YTHDC2: variants seen among roughly 807,000 people sequenced by gnomAD.
YTHDC2 encodes YTH N6-methyladenosine RNA binding protein C2.
A neutral mutation model predicts 174.9 loss-of-function variants in YTHDC2; 45 were observed. That is an observed-to-expected ratio of 0.26 (90% CI 0.20 to 0.33). The LOEUF (loss-of-function observed/expected upper bound fraction) is 0.33. YTHDC2 is among the 10% of genes least tolerant of loss of function. The probability of loss-of-function intolerance (pLI) is 1.00; values close to 1 mark genes in which losing one functional copy is unlikely to be tolerated. For missense variants in YTHDC2, 1,650 were observed against 1,723.7 expected (o/e 0.96, Z 0.76); for synonymous variants, 657 against 574.5 (o/e 1.14, Z -2.05).
intron 17 of YTHDC2, among the ~76,000 whole-genome samples, chr5:113,560,479 A>T (rs796766245): frequency 1.1e-4 from 17 of 152,296 alleles, no homozygotes; most frequent in African/African-American, 4.1e-4. Flanking sequence ...TATAGTGATG[A>T]TTGCCTATCT....
intron 26 of YTHDC2, among the ~76,000 whole-genome samples, chr5:113,590,052 G>A (rs1369040504): frequency 1.3e-5 from 2 of 151,480 alleles, no homozygotes; most frequent in Non-Finnish European, 2.9e-5. Context: ...TTGTAAATGT[G>A]TCTGATTGCT....
Position 113,553,175 on chromosome 5 carries a change from T to TAA in YTHDC2, c.1689-6_1689-5insAA. The TAA allele has an allele frequency of 2.1e-6, 3 of 1,409,314 alleles. No individual in the cohort carries two copies. The highest frequency in any genetic ancestry group is 2.8e-6 in the Non-Finnish European group (3 of 1,081,858). 87.3% of individuals were successfully genotyped at this position (1,409,314 alleles called of 1,614,324 possible). A position where few individuals can be genotyped will look rare whatever the true frequency, so the allele number is the denominator to read the frequency against. ...ACTTTGTCTTTTTTTTTTTTTTTTT[T>TAA]TTCAGTGCTACACTGGAATTTGGAA... On this transcript the variant is annotated splice_polypyrimidine_tract_variant and splice_region_variant and intron_variant, in intron 12 of 29. Transcript: ENST00000161863.
Position 113,581,470 on chromosome 5 carries a change from C to T in YTHDC2, c.3408C>T (p.Arg1136=). ...AGAAGTGGCATAGCTTATTTTTACGCCGAATGAGAGCTCCATCTAAACCTT... is the reference window on the plus strand; with the variant it reads ...AGAAGTGGCATAGCTTATTTTTACGTCGAATGAGAGCTCCATCTAAACCTT... ...LRQKWHSLFL[R]RMRAPSKPWS... The change falls in exon 25 of 30, where the codon CGC becomes CGT. Residue 1136 remains arginine (R), a synonymous_variant. Transcript: ENST00000161863. The T allele has an allele frequency of 3.1e-6, 5 of 1,613,184 alleles. No homozygotes were observed. Among genetic ancestry groups the T allele is most frequent in the African/African-American group, 1.3e-5 (1 of 75,006 alleles).
chr5:113,550,901 G>C (rs1247494838), intron 12 of YTHDC2, among the ~76,000 whole-genome samples: 1 of 151,870 alleles, frequency 6.6e-6, no homozygotes, highest in African/African-American at 2.4e-5. Context: ...TTTCAGATTA[G>C]ATATTTAAAG....
intron 24 of YTHDC2, chr5:113,580,040 C>A: frequency 1.8e-6 from 1 of 560,700 alleles, no homozygotes; most frequent in Non-Finnish European, 2.3e-6. Context: ...GCTGCTGGAC[C>A]CTGCCTCCTA....
intron 26 of YTHDC2, among the ~76,000 whole-genome samples, chr5:113,587,861 A>G (rs1241506660): frequency 1.3e-5 from 2 of 151,854 alleles, no homozygotes; most frequent in Non-Finnish European, 1.5e-5. Context: ...AAAATCAACA[A>G]TTAACACTTC....
intron 9 of YTHDC2, 44 bp downstream of exon 9, chr5:113,541,160 G>A (rs764958313): frequency 6.2e-7 from 1 of 1,601,074 alleles, no homozygotes; most frequent in East Asian, 2.2e-5. Context: ...TGTGAAAATT[G>A]TGTAGGTTAA....
intron 10 of YTHDC2, among the ~76,000 whole-genome samples, chr5:113,543,453 C>T (rs1775622078): frequency 6.6e-6 from 1 of 152,134 alleles, no homozygotes; most frequent in African/African-American, 2.4e-5. Flanking sequence ...TTTCACTTCC[C>T]CTACTGTACA....
chr5:113,563,569 A>T, intron 19 of YTHDC2, 77 bp downstream of exon 19: 1 of 1,424,222 alleles, frequency 7.0e-7, no homozygotes, highest in South Asian at 1.5e-5. Flanking sequence ...TGTCTTAACT[A>T]ATTTTGTATA....
intron 21 of YTHDC2, among the ~76,000 whole-genome samples, chr5:113,566,742 G>T (rs1042938508): frequency 3.3e-5 from 5 of 152,112 alleles, no homozygotes; most frequent in Non-Finnish European, 7.4e-5. Flanking sequence ...GTTAATAACA[G>T]TCAGAAGAAT....
At chr5:113,563,710 T>A (rs1210319182) in intron 19 of YTHDC2, 149 bp from the exon 20 acceptor site, 4 of 976,026 alleles carry the variant, frequency 4.1e-6, no homozygotes, top group Non-Finnish European at 5.9e-6. Flanking sequence ...AGTTCTTTTA[T>A]ATAGTATAAT....
At chr5:113,552,307 C>T (rs2112666902) in intron 12 of YTHDC2, among the ~76,000 whole-genome samples, 1 of 152,204 alleles carries the variant, frequency 6.6e-6, no homozygotes, top group Non-Finnish European at 1.5e-5. Context: ...CAAAAAGAAA[C>T]TTGTACCCAT....
At position 113,564,163 on chromosome 5, in the gene YTHDC2, G is replaced by A. The variant is rs551741448; in HGVS notation, c.2715+32G>A. 72 of 1,555,164 alleles carry A rather than the reference G, an allele frequency of 4.6e-5. No homozygotes were observed. In the South Asian group the frequency reaches 5.9e-4, roughly 13 times the overall value. On this transcript the variant is annotated intron_variant, in intron 20 of 29. Transcript: ENST00000161863. ...TTACTGTCATTTTATTTCTGAAGACGTTGCTGGGTAAACACGTTTCTGGGG... is the reference window on the plus strand; with the variant it reads ...TTACTGTCATTTTATTTCTGAAGACATTGCTGGGTAAACACGTTTCTGGGG...
intron 12 of YTHDC2, among the ~76,000 whole-genome samples, chr5:113,549,410 T>C (rs1367047964): frequency 1.3e-5 from 2 of 152,168 alleles, no homozygotes; most frequent in African/African-American, 2.4e-5. Flanking sequence ...AGATAGCTGA[T>C]TGATTGACTT....
At chr5:113,592,443 C>A (rs995080033) in intron 28 of YTHDC2, 15 of 273,140 alleles carry the variant, frequency 5.5e-5, no homozygotes, top group African/African-American at 2.2e-4. Context: ...TTTTTATATT[C>A]TAGTGGCTTG....
chr5:113,527,812 C>G (rs1027983896), intron 4 of YTHDC2, among the ~76,000 whole-genome samples: 3 of 151,704 alleles, frequency 2.0e-5, no homozygotes, highest in Non-Finnish European at 2.9e-5. Context: ...TTTTTGAGAC[C>G]AAGTCTCTGT....
intron 26 of YTHDC2, among the ~76,000 whole-genome samples, chr5:113,586,285 T>C (rs553027142): frequency 6.6e-6 from 1 of 152,058 alleles, no homozygotes; most frequent in Non-Finnish European, 1.5e-5. Flanking sequence ...TTCATGTGCT[T>C]ATTAGCCATT....
intron 23 of YTHDC2, among the ~76,000 whole-genome samples, chr5:113,578,026 A>G (rs1263410447): frequency 1.3e-5 from 2 of 152,026 alleles, no homozygotes; most frequent in African/African-American, 4.8e-5. Context: ...TATTCCTTTT[A>G]TTTCTTTCTG....
In YTHDC2 at chr5:113,553,172, T is replaced by A; in HGVS notation, c.1689-9T>A. 7.2e-7 allele frequency: 1 copy of A among 1,385,094 alleles called. No homozygotes were observed. The highest frequency in any genetic ancestry group is 9.3e-7 in the Non-Finnish European group (1 of 1,071,482). 85.8% of individuals were successfully genotyped at this position (1,385,094 alleles called of 1,614,324 possible). A position where few individuals can be genotyped will look rare whatever the true frequency, so the allele number is the denominator to read the frequency against. On this transcript the variant is annotated splice_polypyrimidine_tract_variant and intron_variant, in intron 12 of 29. Coordinates refer to ENST00000161863, the MANE Select transcript of YTHDC2 (RefSeq NM_022828.5). Reference sequence around the variant, plus strand: ...TTGACTTTGTCTTTTTTTTTTTTTTTTTTTTCAGTGCTACACTGGAATTTG... The same window carrying A: ...TTGACTTTGTCTTTTTTTTTTTTTTATTTTTCAGTGCTACACTGGAATTTG...
Sources: gnomAD v4.1 joint callset for allele counts (sites outside exome capture counted in the v4.1 genomes callset) on GRCh38, gnomAD v4.1.1 for gene constraint, MANE v1.5 for transcripts, NCBI Gene and HGNC (gene_info 2026-07-23, HGNC 2026-07-21) for gene names.